OSR2: variants seen among roughly 807,000 people sequenced by gnomAD.
OSR2 encodes protein odd-skipped-related 2.
In OSR2, 8 loss-of-function variants were observed where a neutral mutation model predicts 22.3. The ratio of observed to expected loss-of-function variants is 0.36; its 90% confidence interval spans 0.21 to 0.65. The LOEUF is 0.65. Ranked by LOEUF, OSR2 falls within the 30% of genes least tolerant of loss-of-function variation. The pLI, the probability that OSR2 is intolerant of heterozygous loss-of-function variation, is 0.66. For missense variants in OSR2, 311 were observed against 413.4 expected (o/e 0.75, Z 2.15); for synonymous variants, 179 against 173.8 (o/e 1.03, Z -0.23).
Position 98,948,985 on chromosome 8 carries a change from G to A in OSR2, c.33G>A (p.Pro11=), listed in dbSNP as rs763852070. ...GCAAGGCTCTGCCAGCGCCCATCCC[G>A]CTCCACCCGTCGCTGCAGCTCACCA... is the stretch of plus-strand genomic sequence containing the variant. The part of the protein sequence containing the change: MGSKALPAPI[P]LHPSLQLTNY... The change falls in exon 2 of 4, where the codon CCG becomes CCA. Residue 11 remains proline, a synonymous_variant. Transcript: ENST00000297565. This position sits in a 1 kb window ranked among gnomAD's most constrained non-coding sequence, Gnocchi z 6.0. 6.8e-6 allele frequency: 11 copies of A among 1,613,830 alleles called. No homozygotes were observed. The highest frequency in any genetic ancestry group is 8.5e-6 in the Non-Finnish European group (10 of 1,179,904).
In OSR2 at chr8:98,948,270, C is replaced by T. The variant is rs981006966; in HGVS notation, c.-114-569C>T. On this transcript the variant is annotated intron_variant, in intron 1 of 3. Coordinates refer to ENST00000297565, the MANE Select transcript of OSR2 (RefSeq NM_001142462.3). The surrounding 1 kb of genome is among the most constrained non-coding windows in gnomAD (Gnocchi z 6.0). The stretch of plus-strand genomic sequence containing the variant: ...GGCCCTCTGGCCCAGGAGGATGAAG[C>T]GCGCCGGCTTCGCTCTTGCACGCCG... 9.9e-6 allele frequency: 15 copies of T among 1,512,828 alleles called. No homozygotes were observed. The highest frequency in any genetic ancestry group is 1.4e-5 in the African/African-American group (1 of 72,298). 93.7% of individuals were successfully genotyped at this position (1,512,828 alleles called of 1,614,324 possible).
chr8:98,949,089 T>A lies in OSR2; in HGVS notation c.137T>A (p.Val46Glu), dbSNP rs1259873860. ...CAGGGCCTGTACGGTCTCAGCGCGG[T>A]ACAGACCATGCACATGAACCACTGG... ...HLQGLYGLSAVQTMHMNHWTL... is the reference protein window; with the variant it reads ...HLQGLYGLSAEQTMHMNHWTL... Residue 46 changes from valine (V) to glutamate (E), a missense_variant, in exon 2 of 4, where the codon GTA becomes GAA. Transcript: ENST00000297565. The surrounding 1 kb of genome is among the most constrained non-coding windows in gnomAD (Gnocchi z 5.9). The A allele has an allele frequency of 1.9e-6, 3 of 1,613,862 alleles. No homozygotes were observed. Among genetic ancestry groups the A allele is most frequent in the Non-Finnish European group, 2.5e-6 (3 of 1,179,892 alleles).
At chr8:98,951,372 A>G (rs1840775515) in intron 3 of OSR2, 147 bp from the exon 4 acceptor site, 1 of 756,232 alleles carries the variant, frequency 1.3e-6, no homozygotes, top group Non-Finnish European at 2.1e-6. Context: ...GAAGATTAGG[A>G]GCACGGATTT....
chr8:98,950,937 T>C (rs1840764967), intron 3 of OSR2, 182 bp downstream of exon 3: 1 of 621,176 alleles, frequency 1.6e-6, no homozygotes, highest in African/African-American at 1.9e-5. Flanking sequence ...ACATAAAGCA[T>C]TTTTATATTT....
rs367607302 is a variant in OSR2 at position 98,948,338 on chromosome 8, C to A, written c.-114-501C>A. On this transcript the variant is annotated intron_variant, in intron 1 of 3. Coordinates refer to ENST00000297565, the MANE Select transcript of OSR2 (RefSeq NM_001142462.3). This position sits in a 1 kb window ranked among gnomAD's most constrained non-coding sequence, Gnocchi z 6.0. ...GCGCGGGAAAGGCGGCCACAGGGCG[C>A]GGCGGCAGCGCAGCGCGTGGGATCT... 1.0e-4 allele frequency: 159 copies of A among 1,522,750 alleles called. 1 individual carries two copies. The East Asian group carries it at 3.0e-3, about 29-fold the overall frequency. 94.3% of individuals were successfully genotyped at this position (1,522,750 alleles called of 1,614,324 possible). A position where few individuals can be genotyped will look rare whatever the true frequency, so the allele number is the denominator to read the frequency against.
chr8:98,951,389 G>A, intron 3 of OSR2, 130 bp from the exon 4 acceptor site: 1 of 886,408 alleles, frequency 1.1e-6, no homozygotes, highest in Non-Finnish European at 1.7e-6. Flanking sequence ...ATTTGTTCCT[G>A]CAAGTCTCCT....
chr8:98,946,298 G>C (rs1221678709), intron 1 of OSR2: 1 of 152,226 alleles, frequency 6.6e-6, no homozygotes, highest in Non-Finnish European at 1.5e-5. Context: ...GGGAGTGTGG[G>C]AACTACAAGG....
intron 1 of OSR2, among the ~76,000 whole-genome samples, chr8:98,947,601 G>C (rs772951001): frequency 6.4e-4 from 97 of 152,172 alleles, no homozygotes; most frequent in Admixed American, 3.4e-3. Flanking sequence ...AGGTGGGCCC[G>C]CTGTGAATGT....
At position 98,949,022 on chromosome 8, in the gene OSR2, C is replaced by A; in HGVS notation, c.70C>A (p.Leu24Met). Residue 24 changes from leucine (L) to methionine (M), a missense_variant, in exon 2 of 4, where the codon CTG (leucine) becomes ATG (methionine). Leu to Met is a conservative substitution (Grantham distance 15). This residue lies in a region of OSR2 where 146 missense variants were observed against 160.5 expected (regional missense o/e 0.91). Coordinates refer to ENST00000297565, the MANE Select transcript of OSR2 (RefSeq NM_001142462.3). The surrounding 1 kb of genome is among the most constrained non-coding windows in gnomAD (Gnocchi z 5.9). ...PSLQLTNYSF[L>M]QAVNTFPATV... ...GCTGCAGCTCACCAATTACTCCTTC[C>A]TGCAGGCCGTGAACACCTTCCCGGC... is the stretch of plus-strand genomic sequence containing the variant. 1 of 1,614,010 alleles carries A rather than the reference C, an allele frequency of 6.2e-7. No homozygotes were observed. Among genetic ancestry groups the A allele is most frequent in the Non-Finnish European group, 8.5e-7 (1 of 1,179,902 alleles).
In OSR2 at chr8:98,948,289, C is replaced by A; in HGVS notation, c.-114-550C>A. On this transcript the variant is annotated intron_variant, in intron 1 of 3. Coordinates refer to ENST00000297565, the MANE Select transcript of OSR2 (RefSeq NM_001142462.3). This position sits in a 1 kb window ranked among gnomAD's most constrained non-coding sequence, Gnocchi z 6.0. ...ATGAAGCGCGCCGGCTTCGCTCTTG[C>A]ACGCCGGCTTGCCATCCGGGTAAGC... is the stretch of plus-strand genomic sequence containing the variant. 1 of 1,522,396 alleles carries A rather than the reference C, an allele frequency of 6.6e-7. No individual in the cohort carries two copies. Among genetic ancestry groups the A allele is most frequent in the Non-Finnish European group, 8.8e-7 (1 of 1,138,752 alleles). 94.3% of individuals were successfully genotyped at this position (1,522,396 alleles called of 1,614,324 possible). A position where few individuals can be genotyped will look rare whatever the true frequency, so the allele number is the denominator to read the frequency against.
In OSR2 at chr8:98,949,677, A is replaced by G; in HGVS notation, c.656+69A>G. ...TGTCCTGGACACACCGAGTCCTGAT[A>G]GACATTCCCAGTGTCATTATAATCC... On this transcript the variant is annotated intron_variant, in intron 2 of 3. Transcript: ENST00000297565. The surrounding 1 kb of genome is among the most constrained non-coding windows in gnomAD (Gnocchi z 5.9). 2 of 1,506,738 alleles carry G rather than the reference A, an allele frequency of 1.3e-6. No homozygotes were observed. The highest frequency in any genetic ancestry group is 2.6e-5 in the South Asian group (2 of 77,514). 93.3% of individuals were successfully genotyped at this position (1,506,738 alleles called of 1,614,324 possible). A position where few individuals can be genotyped will look rare whatever the true frequency, so the allele number is the denominator to read the frequency against.
Position 98,949,149 on chromosome 8 carries a change from G to C in OSR2, c.197G>C (p.Arg66Pro). 1 of 1,612,378 alleles carries C rather than the reference G, an allele frequency of 6.2e-7. No homozygotes were observed. Among genetic ancestry groups the C allele is most frequent in the Non-Finnish European group, 8.5e-7 (1 of 1,179,024 alleles). The change falls in exon 2 of 4, where the codon CGC becomes CCC. Residue 66 changes from arginine to proline, a missense_variant. Arg to Pro is a moderately radical substitution (Grantham distance 103). Transcript: ENST00000297565. The surrounding 1 kb of genome is among the most constrained non-coding windows in gnomAD (Gnocchi z 5.9). ...LGYPNVHEITRSTITEMAAAQ... is the reference protein window; with the variant it reads ...LGYPNVHEITPSTITEMAAAQ... ...TATCCCAATGTGCACGAGATCACCC[G>C]CTCCACCATCACGGAGATGGCGGCG...
At position 98,948,373 on chromosome 8, in the gene OSR2, TC is replaced by T; in HGVS notation, c.-114-464del. 5.3e-6 allele frequency: 8 copies of T among 1,496,624 alleles called. No homozygotes were observed. Among genetic ancestry groups the T allele is most frequent in the Non-Finnish European group, 7.1e-6 (8 of 1,125,924 alleles). 92.7% of individuals were successfully genotyped at this position (1,496,624 alleles called of 1,614,324 possible). On this transcript the variant is annotated intron_variant, in intron 1 of 3. Coordinates refer to ENST00000297565, the MANE Select transcript of OSR2 (RefSeq NM_001142462.3). This position sits in a 1 kb window ranked among gnomAD's most constrained non-coding sequence, Gnocchi z 6.0. ...GCAGCGCGTGGGATCTCACGACCCA[TC>T]CGTTAACCCACCGTTCCCAGGAGCT...
Position 98,951,594 on chromosome 8 carries a change from C to A in OSR2, c.832C>A (p.His278Asn). 6.2e-7 allele frequency: 1 copy of A among 1,613,940 alleles called. No individual in the cohort carries two copies. The highest frequency in any genetic ancestry group is 8.5e-7 in the Non-Finnish European group (1 of 1,179,874). ...TAATCTGAAAACTCACCTTCTCACC[C>A]ATACAGACATCAAGCCCTACAGCTG... ...RSNLKTHLLTHTDIKPYSCEQ... is the reference protein window; with the variant it reads ...RSNLKTHLLTNTDIKPYSCEQ... The change falls in exon 4 of 4, where the codon CAT becomes AAT. Residue 278 changes from histidine to asparagine, a missense_variant. Transcript: ENST00000297565.
At position 98,951,530 on chromosome 8, in the gene OSR2, C is replaced by G. The variant is rs765289326; in HGVS notation, c.768C>G (p.His256Gln). 1.3e-6 allele frequency: 2 copies of G among 1,588,624 alleles called. No homozygotes were observed. Among genetic ancestry groups the G allele is most frequent in the East Asian group, 4.6e-5 (2 of 43,512 alleles). Residue 256 changes from histidine to glutamine, a missense_variant, in exon 4 of 4, where the codon CAC becomes CAG. Around this residue, in one of 5 missense-constraint regions of OSR2, gnomAD observed 70 missense variants for 84.5 expected, o/e 0.83. Transcript: ENST00000297565. ...HKTLHMQESP[H>Q]KCPTCGRTFN... is the part of the protein sequence containing the mutation. ...TCACATCTGAACAGGAATCTCCACACAAATGTCCCACATGTGGAAGAACCT... is the reference window on the plus strand; with the variant it reads ...TCACATCTGAACAGGAATCTCCACAGAAATGTCCCACATGTGGAAGAACCT...
At chr8:98,950,065 A>AG (rs927846851) in intron 2 of OSR2, among the ~76,000 whole-genome samples, 1 of 139,806 alleles carries the variant, frequency 7.2e-6, no homozygotes, top group Admixed American at 7.9e-5. Context: ...GTGGGTTGAG[A>AG]GGGGGAGGAG....
rs1382569082 is a variant in OSR2, at chr8:98,950,600, G to C, written c.657-56G>C. The C allele has an allele frequency of 2.7e-6, 3 of 1,091,430 alleles. No individual in the cohort carries two copies. The African/African-American group carries it at 4.7e-5, about 17-fold the overall frequency. 67.6% of individuals were successfully genotyped at this position (1,091,430 alleles called of 1,614,324 possible). A position where few individuals can be genotyped will look rare whatever the true frequency, so the allele number is the denominator to read the frequency against. ...ACTTCCTTTTAAGTAATTGCTAAAA[G>C]TAACTCTTCACCATGGGGCAAAGTT... On this transcript the variant is annotated intron_variant, in intron 2 of 3. Transcript: ENST00000297565.
intron 2 of OSR2, among the ~76,000 whole-genome samples, 167 bp from the exon 3 acceptor site, chr8:98,950,489 T>C (rs1260255584): frequency 6.6e-6 from 1 of 152,098 alleles, no homozygotes. Context: ...AGAGAATTAG[T>C]TGAGATTAAC....
In OSR2 at chr8:98,948,338, C is replaced by T. The variant is rs367607302; in HGVS notation, c.-114-501C>T. The T allele has an allele frequency of 2.6e-6, 4 of 1,522,750 alleles. No homozygotes were observed. The highest frequency in any genetic ancestry group is 3.5e-6 in the Non-Finnish European group (4 of 1,139,192). 94.3% of individuals were successfully genotyped at this position (1,522,750 alleles called of 1,614,324 possible). ...GCGCGGGAAAGGCGGCCACAGGGCG[C>T]GGCGGCAGCGCAGCGCGTGGGATCT... On this transcript the variant is annotated intron_variant, in intron 1 of 3. Transcript: ENST00000297565. This position sits in a 1 kb window ranked among gnomAD's most constrained non-coding sequence, Gnocchi z 6.0.
Sources: allele counts gnomAD v4.1 joint callset (sites outside exome capture counted in the v4.1 genomes callset), GRCh38; gene constraint gnomAD v4.1.1; regional missense constraint gnomAD v4.1.1; non-coding constraint Gnocchi (gnomAD v3.1); transcripts MANE v1.5; gene names NCBI Gene and HGNC (gene_info 2026-07-23, HGNC 2026-07-21).